The following SEC23IP variants were observed in gnomAD, a reference collection of about 807,000 sequenced individuals.
The protein encoded by SEC23IP is SEC23-interacting protein.
A neutral mutation model predicts 113.4 loss-of-function variants in SEC23IP; 70 were observed. The ratio of observed to expected loss-of-function variants is 0.62; its 90% CI spans 0.51 to 0.75. SEC23IP has a LOEUF of 0.75. SEC23IP is among the 30% of genes least tolerant of loss of function. SEC23IP has a pLI of 0.00. For missense variants in SEC23IP, 1,160 were observed against 1,204.9 expected, an observed-to-expected ratio of 0.96 and a Z score of 0.55; for synonymous variants, 398 against 421.0, an observed-to-expected ratio of 0.95 and a Z score of 0.67.
chr10:119,928,860 G>GT (rs1855500484), intron 13 of SEC23IP, among the ~76,000 whole-genome samples: 1 of 152,248 alleles, frequency 6.6e-6, no homozygotes, highest in South Asian at 2.1e-4. Context: ...GAGGATGATA[G>GT]TTATAATAGT....
chr10:119,939,483 C>G (rs1385928157), intron 18 of SEC23IP, among the ~76,000 whole-genome samples: 1 of 151,972 alleles, frequency 6.6e-6, no homozygotes, highest in Non-Finnish European at 1.5e-5. Flanking sequence ...CGAGACCAGC[C>G]TGGCCAAATA....
chr10:119,900,885 T>C (rs1274015801), intron 2 of SEC23IP, among the ~76,000 whole-genome samples: 5 of 152,174 alleles, frequency 3.3e-5, no homozygotes, highest in African/African-American at 4.8e-5. Context: ...AACCACTGTT[T>C]TCATTTTGTT....
chr10:119,902,093 A>G (rs1854514123), intron 2 of SEC23IP, among the ~76,000 whole-genome samples: 1 of 152,226 alleles, frequency 6.6e-6, no homozygotes, highest in Non-Finnish European at 1.5e-5. Context: ...GTGGTGGCTC[A>G]CACCTGTAAT....
At chr10:119,916,351 T>G (rs1311064459) in intron 8 of SEC23IP, among the ~76,000 whole-genome samples, 1 of 152,186 alleles carries the variant, frequency 6.6e-6, no homozygotes, top group African/African-American at 2.4e-5. Context: ...CTTAACTTCC[T>G]TAGTGTAAAG....
intron 9 of SEC23IP, among the ~76,000 whole-genome samples, 173 bp downstream of exon 9, chr10:119,918,217 A>G (rs1855116820): frequency 6.6e-6 from 1 of 152,208 alleles, no homozygotes; most frequent in South Asian, 2.1e-4. Context: ...CACCTCTAGT[A>G]TTACCTAGGG....
At chr10:119,909,225 G>T (rs1854777535) in intron 5 of SEC23IP, 95 bp downstream of exon 5, 1 of 747,070 alleles carries the variant, frequency 1.3e-6, no homozygotes, top group Non-Finnish European at 2.2e-6. Flanking sequence ...AACTTCTACA[G>T]TGGGAATGTT....
At chr10:119,904,494 A>G (rs1257421432) in intron 4 of SEC23IP, 1 of 526,896 alleles carries the variant, frequency 1.9e-6, no homozygotes, top group Non-Finnish European at 3.4e-6. Context: ...GCAGAGACAC[A>G]TCACAGATCT....
In SEC23IP at chr10:119,926,119, G is replaced by A. The variant is rs113720486; in HGVS notation, c.2205G>A (p.Met735Ile). 6.8e-6 allele frequency: 11 copies of A among 1,614,096 alleles called. No homozygotes were observed. The African/African-American group carries it at 1.2e-4, about 18-fold the overall frequency. The change falls in exon 13 of 19, where the codon ATG (methionine) becomes ATA (isoleucine). Residue 735 changes from methionine (M) to isoleucine (I), a missense_variant. Coordinates refer to ENST00000369075, the MANE Select transcript of SEC23IP (RefSeq NM_007190.4). ...AAAGTGCCCAGAAGACTAAAGACATGGCTTCCCTCCCCTCAGAATCCAATG... is the reference window on the plus strand; with the variant it reads ...AAAGTGCCCAGAAGACTAAAGACATAGCTTCCCTCCCCTCAGAATCCAATG... ...QEQSAQKTKD[M>I]ASLPSESNEP...
At chr10:119,925,591 G>T (rs2134512663) in intron 12 of SEC23IP, among the ~76,000 whole-genome samples, 1 of 152,108 alleles carries the variant, frequency 6.6e-6, no homozygotes, top group South Asian at 2.1e-4. Context: ...GCCCAGGGTG[G>T]AGTGCAGTGG....
intron 4 of SEC23IP, among the ~76,000 whole-genome samples, chr10:119,907,063 G>A (rs1054288196): frequency 1.3e-5 from 2 of 150,852 alleles, no homozygotes; most frequent in African/African-American, 2.4e-5. Context: ...TTTGGAGGCC[G>A]AGGCGGGCTG....
intron 8 of SEC23IP, 129 bp from the exon 9 acceptor site, chr10:119,917,707 A>G (rs1214012417): frequency 1.4e-5 from 9 of 664,410 alleles, no homozygotes; most frequent in Admixed American, 1.2e-4. Flanking sequence ...ATGACTATCT[A>G]CAGAAACAAC....
At chr10:119,925,921 C>T (rs1855404331) in intron 12 of SEC23IP, 115 bp from the exon 13 acceptor site, 1 of 815,014 alleles carries the variant, frequency 1.2e-6, no homozygotes, top group Non-Finnish European at 1.9e-6. Context: ...AATGTTGTTA[C>T]TATTCCTAAG....
chr10:119,893,315 C>T lies in SEC23IP; in HGVS notation c.163+370C>T, dbSNP rs2475307. Among the ~76,000 whole-genome samples, 682 of 152,086 alleles carry T rather than the reference C, an allele frequency of 4.5e-3. 5 individuals carry two copies. The highest frequency in any genetic ancestry group is 0.016 in the African/African-American group (665 of 41,480). On this transcript the variant is annotated intron_variant, in intron 1 of 18. Coordinates refer to ENST00000369075, the MANE Select transcript of SEC23IP (RefSeq NM_007190.4). ...GTAGTCTGTCTCCCACTAGGAGACT[C>T]CTAGGATACGGTAAGATACCTCCTA...
At chr10:119,907,072 T>C (rs1300682934) in intron 4 of SEC23IP, among the ~76,000 whole-genome samples, 1 of 150,916 alleles carries the variant, frequency 6.6e-6, no homozygotes, top group Non-Finnish European at 1.5e-5. Flanking sequence ...CGAGGCGGGC[T>C]GATTGCTTGA....
At chr10:119,921,287 C>G (rs1452860861) in intron 12 of SEC23IP, among the ~76,000 whole-genome samples, 1 of 152,168 alleles carries the variant, frequency 6.6e-6, no homozygotes, top group African/African-American at 2.4e-5. Flanking sequence ...CAAATAAATT[C>G]TCAGCTCAAC....
chr10:119,898,280 A>T, intron 1 of SEC23IP, 147 bp from the exon 2 acceptor site: 1 of 1,297,148 alleles, frequency 7.7e-7, no homozygotes, highest in Non-Finnish European at 9.8e-7. Flanking sequence ...CAAAGAAAAA[A>T]AGAAAAAACT....
In SEC23IP at chr10:119,917,824, C is replaced by T; in HGVS notation, c.1545-12C>T. ...TGCTGACTGAATGTGCTGTATTTTT[C>T]TTTTTAAACAGGAATATTAAGAAAA... On this transcript the variant is annotated splice_polypyrimidine_tract_variant and intron_variant, in intron 8 of 18. Coordinates refer to ENST00000369075, the MANE Select transcript of SEC23IP (RefSeq NM_007190.4). 1 of 1,604,398 alleles carries T rather than the reference C, an allele frequency of 6.2e-7. No homozygotes were observed. Among genetic ancestry groups the T allele is most frequent in the Non-Finnish European group, 8.5e-7 (1 of 1,172,902 alleles).
At chr10:119,912,702 G>A (rs1218152989) in intron 6 of SEC23IP, among the ~76,000 whole-genome samples, 9 of 146,432 alleles carry the variant, frequency 6.1e-5, no homozygotes, top group Admixed American at 4.8e-4. Context: ...GTACAGTGGC[G>A]TGATCTCAGC....
At chr10:119,905,725 A>T (rs971155575) in intron 4 of SEC23IP, among the ~76,000 whole-genome samples, 1 of 152,208 alleles carries the variant, frequency 6.6e-6, no homozygotes, top group Non-Finnish European at 1.5e-5. Context: ...CTACGTGGAA[A>T]ATCAGGAGAA....
Sources: allele counts gnomAD v4.1 joint callset (sites outside exome capture counted in the v4.1 genomes callset), GRCh38; gene constraint gnomAD v4.1.1; transcripts MANE v1.5; gene names NCBI Gene and HGNC (gene_info 2026-07-23, HGNC 2026-07-21).